Variants in FSTL5 observed in about 807,000 individuals in gnomAD.
The protein encoded by FSTL5 is follistatin like 5.
A neutral mutation model predicts 89.1 loss-of-function variants in FSTL5; 62 were observed. The observed-to-expected ratio is 0.70, with a 90% CI of 0.57 to 0.86. FSTL5 has a LOEUF of 0.86. Among genes scored for constraint, FSTL5 ranks in the 40% least tolerant of loss-of-function variants. FSTL5 has a pLI of 0.00. For synonymous variants in FSTL5, 383 were observed against 346.2 expected (o/e 1.11, Z -1.18); for missense variants, 1,057 against 1,001.6 (o/e 1.06, Z -0.75).
chr4:161,631,092 A>G (rs183355409), intron 7 of FSTL5, among the ~76,000 whole-genome samples: 2 of 152,326 alleles, frequency 1.3e-5, no homozygotes, highest in Admixed American at 6.5e-5. Context: ...ATTTAGGTTC[A>G]AGAAAATAGA....
chr4:161,968,515 T>A (rs758164247), intron 3 of FSTL5, among the ~76,000 whole-genome samples: 1 of 152,112 alleles, frequency 6.6e-6, no homozygotes, highest in Non-Finnish European at 1.5e-5. Context: ...GTTATTTTTA[T>A]CATAGAAGAA....
intron 3 of FSTL5, among the ~76,000 whole-genome samples, chr4:161,997,419 C>G (rs1302797573): frequency 6.6e-6 from 1 of 152,108 alleles, no homozygotes; most frequent in African/African-American, 2.4e-5. Flanking sequence ...AGGTAATTTA[C>G]ACATAACGGT....
At chr4:161,761,140 T>C (rs1484179291) in intron 5 of FSTL5, among the ~76,000 whole-genome samples, 1 of 152,212 alleles carries the variant, frequency 6.6e-6, no homozygotes, top group African/African-American at 2.4e-5. Context: ...TCTTATCTGG[T>C]TTAACTGACC....
intron 8 of FSTL5, among the ~76,000 whole-genome samples, chr4:161,551,773 G>C (rs1008032871): frequency 3.9e-5 from 6 of 151,900 alleles, no homozygotes; most frequent in African/African-American, 1.4e-4. Flanking sequence ...TGGGAAAACT[G>C]GCTAGCCATA....
chr4:161,919,426 G>T (rs966964405), intron 4 of FSTL5, among the ~76,000 whole-genome samples: 5 of 152,118 alleles, frequency 3.3e-5, no homozygotes, highest in African/African-American at 1.2e-4. Context: ...ATAATATTGT[G>T]TTAGAGAAAG....
chr4:161,645,857 T>TA (rs1736136694), intron 7 of FSTL5, among the ~76,000 whole-genome samples: 1 of 152,062 alleles, frequency 6.6e-6, no homozygotes, highest in South Asian at 2.1e-4. Context: ...GAATCAGTGA[T>TA]AAAAATTATG....
intron 7 of FSTL5, among the ~76,000 whole-genome samples, chr4:161,630,975 C>A (rs1735484636): frequency 6.6e-6 from 1 of 152,142 alleles, no homozygotes; most frequent in South Asian, 2.1e-4. Context: ...TTCCAATATT[C>A]TCATAATGTA....
chr4:162,016,556 T>A (rs922928371), intron 3 of FSTL5, among the ~76,000 whole-genome samples: 8 of 152,178 alleles, frequency 5.3e-5, no homozygotes, highest in African/African-American at 1.9e-4. Context: ...ATAATGGATT[T>A]TTTTTGAGTT....
intron 4 of FSTL5, among the ~76,000 whole-genome samples, chr4:161,853,034 CT>C (rs1254517804): frequency 2.0e-5 from 3 of 152,176 alleles, no homozygotes; most frequent in Non-Finnish European, 4.4e-5. Context: ...TTGCCTTGTT[CT>C]TCTCTCACAT....
chr4:161,619,316 C>G (rs1735019862), intron 7 of FSTL5, among the ~76,000 whole-genome samples: 1 of 152,108 alleles, frequency 6.6e-6, no homozygotes, highest in Admixed American at 6.6e-5. Context: ...AAAGCAATGG[C>G]AACAAAAGAC....
intron 1 of FSTL5, among the ~76,000 whole-genome samples, chr4:162,144,611 T>C (rs552835879): frequency 6.6e-6 from 1 of 152,250 alleles, no homozygotes; most frequent in East Asian, 1.9e-4. Flanking sequence ...TTCTTGGTGA[T>C]GAGGTTGTAA....
intron 13 of FSTL5, among the ~76,000 whole-genome samples, chr4:161,477,728 T>A (rs772714200): frequency 1.3e-4 from 20 of 151,984 alleles, no homozygotes; most frequent in Non-Finnish European, 2.5e-4. Flanking sequence ...AATTCACTTT[T>A]AATTTTTAGA....
intron 4 of FSTL5, among the ~76,000 whole-genome samples, chr4:161,797,274 C>T (rs575209010): frequency 6.6e-6 from 1 of 151,542 alleles, no homozygotes; most frequent in East Asian, 1.9e-4. Context: ...CAAAGATGTT[C>T]TGCTATCTAT....
chr4:161,969,958 G>C (rs992162325), intron 3 of FSTL5, among the ~76,000 whole-genome samples: 4 of 152,134 alleles, frequency 2.6e-5, no homozygotes, highest in Admixed American at 2.6e-4. Flanking sequence ...ATTCGATGCA[G>C]AGGGTGAAAG....
chr4:162,155,269 G>A (rs1364653625), intron 1 of FSTL5, among the ~76,000 whole-genome samples: 1 of 152,180 alleles, frequency 6.6e-6, no homozygotes, highest in Non-Finnish European at 1.5e-5. Flanking sequence ...CCGGGTTAGA[G>A]GTCAGAAGCA....
chr4:161,974,098 G>C (rs1292619901), intron 3 of FSTL5, among the ~76,000 whole-genome samples: 1 of 152,154 alleles, frequency 6.6e-6, no homozygotes, highest in Non-Finnish European at 1.5e-5. Context: ...ACTGCTCAAG[G>C]AAATACAAGA....
chr4:162,065,562 T>C (rs751286190), intron 2 of FSTL5, among the ~76,000 whole-genome samples: 7 of 151,968 alleles, frequency 4.6e-5, no homozygotes, highest in Non-Finnish European at 8.8e-5. Flanking sequence ...GTAACACATT[T>C]GCAAGGGTAT....
chr4:161,573,754 A>T lies in FSTL5; in HGVS notation c.1015+13701T>A, dbSNP rs1000336136. Among the ~76,000 whole-genome samples, 34 of 135,462 alleles carry T rather than the reference A, an allele frequency of 2.5e-4. 1 individual carries two copies. Among genetic ancestry groups the T allele is most frequent in the Non-Finnish European group, 4.1e-4 (25 of 60,624 alleles). The allele number at this position is 135,462 out of a possible 152,430, so 88.9% of individuals were successfully genotyped here. A position where few individuals can be genotyped will look rare whatever the true frequency, so the allele number is the denominator to read the frequency against. ...AGCTCAAAAAAAAAAAAAAAAAAAA[A>T]AAAGAAAAGAAAATGAAAGAAAGAC... is the stretch of plus-strand genomic sequence containing the variant. On this transcript the variant is annotated intron_variant, in intron 8 of 15. Transcript: ENST00000306100.
intron 4 of FSTL5, among the ~76,000 whole-genome samples, chr4:161,802,574 A>G (rs544542744): frequency 6.6e-6 from 1 of 151,846 alleles, no homozygotes; most frequent in South Asian, 2.1e-4. Flanking sequence ...CCATAGCATT[A>G]ATTGTATTTA....
Sources: gnomAD v4.1 joint callset for allele counts (sites outside exome capture counted in the v4.1 genomes callset) on GRCh38, gnomAD v4.1.1 for gene constraint, MANE v1.5 for transcripts, NCBI Gene and HGNC (gene_info 2026-07-23, HGNC 2026-07-21) for gene names.